KCNIP4: variants seen among roughly 807,000 people sequenced by gnomAD.
KCNIP4 encodes the protein Kv channel-interacting protein 4.
KCNIP4 carries 12 observed loss-of-function variants against 34.0 expected under a neutral mutation model. The ratio of observed to expected loss-of-function variants is 0.35; its 90% CI spans 0.23 to 0.57. KCNIP4 has a LOEUF of 0.57. KCNIP4 is among the 20% of genes least tolerant of loss of function. The pLI is 0.83. For missense variants in KCNIP4, 238 were observed against 311.7 expected (o/e 0.76, Z 1.78); for synonymous variants, 124 against 102.2 (o/e 1.21, Z -1.29).
At chr4:21,556,829 G>A (rs1454764237) in intron 1 of KCNIP4, among the ~76,000 whole-genome samples, 1 of 144,394 alleles carries the variant, frequency 6.9e-6, no homozygotes, top group African/African-American at 2.6e-5. Context: ...GCTGAGGCAG[G>A]AAAATCACTT....
chr4:21,228,292 C>G lies in KCNIP4; in HGVS notation c.62-345583G>C, dbSNP rs150422819. 1.1e-3 allele frequency among the ~76,000 whole-genome samples: 161 copies of G among 152,192 alleles called. 1 individual carries two copies. The highest frequency in any genetic ancestry group is 3.4e-3 in the African/African-American group (141 of 41,528). ...TGGTTTAAAAATGTGTGGCACTTCC[C>G]CTGTTGCTATCTCTCTCCTGCTCTG... is the stretch of plus-strand genomic sequence containing the variant. On this transcript the variant is annotated intron_variant, in intron 1 of 8. Transcript: ENST00000382152.
chr4:21,822,567 G>T (rs1451269149), intron 1 of KCNIP4, among the ~76,000 whole-genome samples: 1 of 151,976 alleles, frequency 6.6e-6, no homozygotes, highest in Non-Finnish European at 1.5e-5. Flanking sequence ...ATGGTAAATT[G>T]GTAGTTTACA....
intron 3 of KCNIP4, among the ~76,000 whole-genome samples, chr4:20,812,709 G>A (rs1460777410): frequency 6.6e-6 from 1 of 152,026 alleles, no homozygotes; most frequent in East Asian, 1.9e-4. Context: ...GGGTACTTCT[G>A]GGAAGTATTT....
intron 1 of KCNIP4, among the ~76,000 whole-genome samples, chr4:21,551,980 C>T (rs574049414): frequency 6.6e-6 from 1 of 150,954 alleles, no homozygotes; most frequent in East Asian, 1.9e-4. Context: ...CATCATTCGA[C>T]CTGTCCAGTT....
In KCNIP4 at chr4:21,591,207, C is replaced by T. The variant is rs1030815003; in HGVS notation, c.61+357364G>A. ...AGGTGTCATAAAAAACAAGGAGGAA[C>T]GTTATAGGAATGAACATTTTACTTC... is the stretch of plus-strand genomic sequence containing the variant. On this transcript the variant is annotated intron_variant, in intron 1 of 8. Coordinates refer to ENST00000382152, the MANE Select transcript of KCNIP4 (RefSeq NM_025221.6). Among the ~76,000 whole-genome samples the T allele has an allele frequency of 3.9e-5, 6 of 151,940 alleles. No homozygotes were observed. In the East Asian group the frequency reaches 5.8e-4, roughly 15 times the overall value.
At chr4:21,773,755 T>TG (rs1553930261) in intron 1 of KCNIP4, among the ~76,000 whole-genome samples, 13 of 137,920 alleles carry the variant, frequency 9.4e-5, no homozygotes, top group African/African-American at 3.0e-4. Flanking sequence ...GTTTTTTTTT[T>TG]TTTGTTTGTT....
chr4:21,001,873 T>C (rs2149719621), intron 1 of KCNIP4, among the ~76,000 whole-genome samples: 1 of 152,350 alleles, frequency 6.6e-6, no homozygotes, highest in South Asian at 2.1e-4. Flanking sequence ...TTATTTGTTC[T>C]TGGAACCTCT....
chr4:21,424,348 C>T (rs114090536), intron 1 of KCNIP4, among the ~76,000 whole-genome samples: 2 of 150,988 alleles, frequency 1.3e-5, no homozygotes, highest in African/African-American at 4.9e-5. Context: ...CAAGGTGGGA[C>T]GATCACGAGG....
At chr4:20,800,114 AT>A (rs1236906024) in intron 3 of KCNIP4, among the ~76,000 whole-genome samples, 1 of 152,218 alleles carries the variant, frequency 6.6e-6, no homozygotes, top group Admixed American at 6.5e-5. Flanking sequence ...CATAGCCACC[AT>A]TATTGCCACA....
intron 1 of KCNIP4, among the ~76,000 whole-genome samples, chr4:21,626,321 G>A (rs889724022): frequency 6.6e-6 from 1 of 152,038 alleles, no homozygotes; most frequent in Non-Finnish European, 1.5e-5. Flanking sequence ...ATGAGGCCAC[G>A]AATGGTCAGG....
intron 1 of KCNIP4, among the ~76,000 whole-genome samples, chr4:21,843,106 T>C (rs1360196530): frequency 6.6e-6 from 1 of 152,068 alleles, no homozygotes; most frequent in Non-Finnish European, 1.5e-5. Flanking sequence ...AAGCCCCAAA[T>C]TTGAGCAAAA....
At chr4:21,129,042 G>C (rs941628711) in intron 1 of KCNIP4, among the ~76,000 whole-genome samples, 1 of 152,168 alleles carries the variant, frequency 6.6e-6, no homozygotes, top group Non-Finnish European at 1.5e-5. Context: ...TAATTCCCAG[G>C]TGTCAAGGGC....
intron 3 of KCNIP4, among the ~76,000 whole-genome samples, chr4:20,830,690 G>C (rs1718318798): frequency 6.6e-6 from 1 of 152,068 alleles, no homozygotes; most frequent in Non-Finnish European, 1.5e-5. Context: ...AAAATGTATA[G>C]AGAAATAGAT....
Position 21,794,723 on chromosome 4 carries a change from C to T in KCNIP4, c.61+153848G>A, listed in dbSNP as rs1720514529. On this transcript the variant is annotated intron_variant, in intron 1 of 8. Coordinates refer to ENST00000382152, the MANE Select transcript of KCNIP4 (RefSeq NM_025221.6). ...TAAAACTCCAGCTCTACTAAAAATA[C>T]AAAAAATTAGCCAGGAGTGGTGGCA... Among the ~76,000 whole-genome samples the T allele has an allele frequency of 2.0e-5, 3 of 151,934 alleles. No homozygotes were observed. In the South Asian group the frequency reaches 6.2e-4, roughly 32 times the overall value.
intron 1 of KCNIP4, among the ~76,000 whole-genome samples, chr4:21,883,114 A>G (rs1726553607): frequency 6.6e-6 from 1 of 151,946 alleles, no homozygotes; most frequent in South Asian, 2.1e-4. Context: ...AAGCTTTATA[A>G]AAGACATTTA....
At chr4:21,493,754 C>A (rs1732609314) in intron 1 of KCNIP4, among the ~76,000 whole-genome samples, 1 of 152,130 alleles carries the variant, frequency 6.6e-6, no homozygotes, top group Non-Finnish European at 1.5e-5. Flanking sequence ...CAAGGGTCTG[C>A]CTCAGTAGAT....
At chr4:21,440,666 C>CA (rs11418672) in intron 1 of KCNIP4, among the ~76,000 whole-genome samples, 42,884 of 152,084 alleles carry the variant, frequency 0.28, 6,894 homozygotes, top group Non-Finnish European at 0.37. Flanking sequence ...GCTATTTAAA[C>CA]ATATCACACT....
intron 1 of KCNIP4, 56 bp downstream of exon 1, chr4:21,948,515 T>G: frequency 6.4e-7 from 1 of 1,572,742 alleles, no homozygotes. Flanking sequence ...CCGTCTTGGC[T>G]CGCGAGGGAA....
At chr4:21,740,147 T>A (rs1451145357) in intron 1 of KCNIP4, among the ~76,000 whole-genome samples, 1 of 152,050 alleles carries the variant, frequency 6.6e-6, no homozygotes, top group East Asian at 1.9e-4. Flanking sequence ...AATACCTACA[T>A]AAGAAAATAT....
Sources: allele counts gnomAD v4.1 joint callset (sites outside exome capture counted in the v4.1 genomes callset), GRCh38; gene constraint gnomAD v4.1.1; transcripts MANE v1.5; gene names NCBI Gene and HGNC (gene_info 2026-07-23, HGNC 2026-07-21).